Variants in CADPS observed in about 807,000 individuals in gnomAD.
CADPS encodes the protein calcium dependent secretion activator.
In CADPS, 57 loss-of-function variants were observed where a neutral mutation model predicts 167.3. The observed-to-expected ratio is 0.34, with a 90% CI of 0.28 to 0.42. The LOEUF (loss-of-function observed/expected upper bound fraction) is 0.42, where lower values mean the gene tolerates loss of function less well. CADPS is among the 20% of genes least tolerant of loss of function. The pLI is 1.00. For synonymous variants in CADPS, 676 were observed against 635.3 expected (o/e 1.06, Z -0.96); for missense variants, 1,414 against 1,738.1 (o/e 0.81, Z 3.32).
At chr3:62,672,926 T>G (rs2075786044) in intron 3 of CADPS, among the ~76,000 whole-genome samples, 1 of 152,184 alleles carries the variant, frequency 6.6e-6, no homozygotes, top group Non-Finnish European at 1.5e-5. Context: ...TCTGTCATCT[T>G]TGTCTGGTTA....
Position 62,447,587 on chromosome 3 carries a change from T to A in CADPS, c.3637-1790A>T, listed in dbSNP as rs368689601. Among the ~76,000 whole-genome samples the A allele has an allele frequency of 3.3e-5, 5 of 152,060 alleles. No homozygotes were observed. The East Asian group carries it at 9.7e-4, about 29-fold the overall frequency. ...AGGGAAAATTTATAGAGGGAAGCAA[T>A]GAGAGAAAGCTAATGACCAGTTCTG... On this transcript the variant is annotated intron_variant, in intron 26 of 29. Coordinates refer to ENST00000383710, the MANE Select transcript of CADPS (RefSeq NM_003716.4).
At position 62,533,066 on chromosome 3, in the gene CADPS, A is replaced by G; in HGVS notation, c.2104-8T>C. On this transcript the variant is annotated splice_polypyrimidine_tract_variant and splice_region_variant and intron_variant, in intron 12 of 29. Coordinates refer to ENST00000383710, the MANE Select transcript of CADPS (RefSeq NM_003716.4). ...GCCAGGACTGAACCAGCCCTATATA[A>G]AGAATAAAGGAGAGACTTTCTTTTA... 6.2e-7 allele frequency: 1 copy of G among 1,611,282 alleles called. No individual in the cohort carries two copies. Among genetic ancestry groups the G allele is most frequent in the Non-Finnish European group, 8.5e-7 (1 of 1,177,996 alleles).
chr3:62,727,195 A>T (rs2076901581), intron 3 of CADPS, among the ~76,000 whole-genome samples: 1 of 151,836 alleles, frequency 6.6e-6, no homozygotes, highest in African/African-American at 2.4e-5. Flanking sequence ...AGTATTTCAG[A>T]ACAACTTTAT....
chr3:62,874,806 GCCCCGCCGCCGCTGCTCGCGCCGCTGC>G lies in CADPS; in HGVS notation c.197_223del (p.Gly66_Gly74del), dbSNP rs749565564. The G allele has an allele frequency of 4.3e-5, 50 of 1,160,182 alleles. 1 individual carries two copies. The Middle Eastern group carries it at 1.3e-3, about 31-fold the overall frequency. The allele number at this position is 1,160,182 out of a possible 1,614,324, so 71.9% of individuals were successfully genotyped here. A position where few individuals can be genotyped will look rare whatever the true frequency, so the allele number is the denominator to read the frequency against. On this transcript the variant is annotated inframe_deletion, in exon 1 of 30. Coordinates refer to ENST00000383710, the MANE Select transcript of CADPS (RefSeq NM_003716.4). The surrounding 1 kb of genome is among the most constrained non-coding windows in gnomAD (Gnocchi z 7.1). Reference sequence around the variant, plus strand: ...GCGGCTGCTGGGTTGCAGCCCCCCGGCCCCGCCGCCGCTGCTCGCGCCGCTGCCCCCGCCGCCGCCTGCACCCACCCC... The same window carrying G: ...GCGGCTGCTGGGTTGCAGCCCCCCGGCCCCGCCGCCGCCTGCACCCACCCC...
intron 1 of CADPS, among the ~76,000 whole-genome samples, chr3:62,844,549 A>T (rs2077107383): frequency 6.6e-6 from 1 of 152,224 alleles, no homozygotes; most frequent in Non-Finnish European, 1.5e-5. Context: ...AAAGCCAAGG[A>T]CACACAACAT....
At chr3:62,715,751 A>ATC (rs2084400688) in intron 3 of CADPS, among the ~76,000 whole-genome samples, 1 of 86,348 alleles carries the variant, frequency 1.2e-5, no homozygotes, top group African/African-American at 3.5e-5. Context: ...ATGATTATAA[A>ATC]TCTTTTTTTT....
intron 21 of CADPS, among the ~76,000 whole-genome samples, chr3:62,488,502 A>G (rs1394406799): frequency 6.8e-6 from 1 of 148,076 alleles, no homozygotes; most frequent in African/African-American, 2.6e-5. Context: ...ATTTATTATT[A>G]TTATTTTTTA....
intron 2 of CADPS, 99 bp downstream of exon 2, chr3:62,765,772 G>A (rs987691076): frequency 6.0e-6 from 4 of 664,640 alleles, no homozygotes; most frequent in Admixed American, 4.8e-5. Flanking sequence ...GGATGATACT[G>A]TAGTAAACCA....
intron 2 of CADPS, among the ~76,000 whole-genome samples, chr3:62,764,065 C>T (rs2086233902): frequency 6.6e-6 from 1 of 152,026 alleles, no homozygotes; most frequent in Non-Finnish European, 1.5e-5. Context: ...GTCAAATGAG[C>T]TTTCTAATTA....
At chr3:62,619,391 G>A (rs1326950281) in intron 6 of CADPS, among the ~76,000 whole-genome samples, 1 of 151,986 alleles carries the variant, frequency 6.6e-6, no homozygotes, top group East Asian at 1.9e-4. Context: ...GGTTTTAAAA[G>A]CCCTACACGT....
chr3:62,753,512 G>A lies in CADPS; in HGVS notation c.817C>T (p.Leu273Phe). 6.2e-7 allele frequency: 1 copy of A among 1,614,136 alleles called. No individual in the cohort carries two copies. The highest frequency in any genetic ancestry group is 1.3e-5 in the African/African-American group (1 of 75,044). Residue 273 changes from leucine (L) to phenylalanine (F), a missense_variant, in exon 3 of 30, where the codon CTC (leucine) becomes TTC (phenylalanine). This residue lies in a region of CADPS where 522 missense variants were observed against 559.5 expected (regional missense o/e 0.93). Coordinates refer to ENST00000383710, the MANE Select transcript of CADPS (RefSeq NM_003716.4). The surrounding 1 kb of genome is among the most constrained non-coding windows in gnomAD (Gnocchi z 4.6). ...AGAATGTTCTGGAACATCTCATAGA[G>A]TTGCTCCTTGCTCAGAATCAGCTCG... ...ASELILSKEQ[L>F]YEMFQNILGI...
intron 1 of CADPS, among the ~76,000 whole-genome samples, chr3:62,848,953 C>T (rs1186776524): frequency 7.5e-5 from 10 of 134,082 alleles, no homozygotes; most frequent in Non-Finnish European, 1.3e-4. Context: ...TCTTTTATTT[C>T]CTTGAGCAGT....
chr3:62,585,153 C>T, intron 8 of CADPS, 32 bp downstream of exon 8: 1 of 1,608,802 alleles, frequency 6.2e-7, no homozygotes, highest in African/African-American at 1.3e-5. Context: ...AGACGTGTGT[C>T]CAAAACTGCT....
intron 1 of CADPS, 40 bp from the exon 2 acceptor site, chr3:62,766,024 C>CTAGGACAAGTT: frequency 7.0e-7 from 1 of 1,421,980 alleles, no homozygotes; most frequent in Non-Finnish European, 9.9e-7. Flanking sequence ...GAGAACTTGT[C>CTAGGACAAGTT]CTAGACAAGG....
intron 1 of CADPS, among the ~76,000 whole-genome samples, chr3:62,769,755 A>G (rs1409470605): frequency 6.6e-6 from 1 of 152,164 alleles, no homozygotes; most frequent in Non-Finnish European, 1.5e-5. Flanking sequence ...GGGCAGAATC[A>G]TGAGTCAGGA....
chr3:62,738,386 A>G (rs1468539252), intron 3 of CADPS, among the ~76,000 whole-genome samples: 1 of 152,000 alleles, frequency 6.6e-6, no homozygotes, highest in Non-Finnish European at 1.5e-5. Flanking sequence ...TTATGTTTCT[A>G]CTTTTGCTAA....
At chr3:62,867,465 C>T (rs1002152076) in intron 1 of CADPS, among the ~76,000 whole-genome samples, 2 of 152,010 alleles carry the variant, frequency 1.3e-5, no homozygotes, top group Non-Finnish European at 2.9e-5. Flanking sequence ...TGAAGCCAGA[C>T]AAATGGGTCC....
intron 28 of CADPS, among the ~76,000 whole-genome samples, chr3:62,425,354 C>T (rs1418227783): frequency 6.6e-6 from 1 of 152,088 alleles, no homozygotes; most frequent in Non-Finnish European, 1.5e-5. Context: ...AAAATGTCTC[C>T]AGACATTTCC....
At position 62,421,164 on chromosome 3, in the gene CADPS, A is replaced by G. The variant is rs555350174; in HGVS notation, c.3777+16940T>C. Among the ~76,000 whole-genome samples the G allele has an allele frequency of 3.9e-5, 6 of 152,210 alleles. No individual in the cohort carries two copies. The highest frequency in any genetic ancestry group is 8.8e-5 in the Non-Finnish European group (6 of 68,010). ...AGAGTTAAATCATAAATTAGCCATG[A>G]GTTAATACGTGAGGCCCGGATCACT... On this transcript the variant is annotated intron_variant, in intron 28 of 29. Transcript: ENST00000383710. This position sits in a 1 kb window ranked among gnomAD's most constrained non-coding sequence, Gnocchi z 4.7.
Sources: allele counts gnomAD v4.1 joint callset (sites outside exome capture counted in the v4.1 genomes callset), GRCh38; gene constraint gnomAD v4.1.1; regional missense constraint gnomAD v4.1.1; non-coding constraint Gnocchi (gnomAD v3.1); transcripts MANE v1.5; gene names NCBI Gene and HGNC (gene_info 2026-07-23, HGNC 2026-07-21).